Variants in NRG1 observed in about 807,000 individuals in gnomAD.
NRG1 encodes the protein neuregulin 1, also known as pro-neuregulin-1, membrane-bound isoform.
Under a neutral mutation model 63.8 loss-of-function variants are expected in NRG1, and 18 were observed. The observed-to-expected ratio is 0.28, with a 90% CI of 0.19 to 0.42. NRG1 has a LOEUF of 0.42. Among genes scored for constraint, NRG1 ranks in the 10% least tolerant of loss-of-function variants. NRG1 has a pLI of 1.00. For missense variants in NRG1, 762 were observed against 814.7 expected (o/e 0.94, Z 0.79); for synonymous variants, 302 against 301.3 (o/e 1.00, Z -0.02).
At chr8:32,707,335 T>C (rs1231503651) in intron 5 of NRG1, among the ~76,000 whole-genome samples, 1 of 152,028 alleles carries the variant, frequency 6.6e-6, no homozygotes, top group East Asian at 1.9e-4. Context: ...TGTACAAACT[T>C]AAAAGCTAGA....
At chr8:31,705,202 A>T (rs1811029443) in intron 1 of NRG1, among the ~76,000 whole-genome samples, 2 of 151,780 alleles carry the variant, frequency 1.3e-5, no homozygotes, top group South Asian at 4.2e-4. Flanking sequence ...ACACGCAGCT[A>T]GTTTTTTATT....
At chr8:32,597,540 G>A (rs1447075755) in intron 2 of NRG1, among the ~76,000 whole-genome samples, 3 of 152,048 alleles carry the variant, frequency 2.0e-5, no homozygotes, top group Admixed American at 1.3e-4. Context: ...AAGAGACATG[G>A]CATTTTTATA....
intron 1 of NRG1, among the ~76,000 whole-genome samples, chr8:32,165,599 G>C (rs1012993626): frequency 6.6e-6 from 1 of 152,202 alleles, no homozygotes; most frequent in Non-Finnish European, 1.5e-5. Flanking sequence ...AGAGAAAGGA[G>C]TAATTCATTT....
rs530656804 is a variant in NRG1, at chr8:32,135,413, T to C, written c.38-460415T>C. On this transcript the variant is annotated intron_variant, in intron 1 of 10. Coordinates refer to the NRG1 transcript ENST00000519301. ...GGAAGTGTTGGTGACTGTTGGAGGG[T>C]AGTGGTGGTAGTGAAGATGCATAGG... Among the ~76,000 whole-genome samples the C allele has an allele frequency of 1.1e-4, 16 of 151,914 alleles. No homozygotes were observed. The South Asian group carries it at 3.3e-3, about 32-fold the overall frequency.
chr8:31,836,904 CTG>C (rs1387498320), intron 1 of NRG1, among the ~76,000 whole-genome samples: 2 of 152,022 alleles, frequency 1.3e-5, no homozygotes, highest in Non-Finnish European at 2.9e-5. Flanking sequence ...CACTGACAAT[CTG>C]TAATCTCTAT....
intron 1 of NRG1, among the ~76,000 whole-genome samples, chr8:32,340,827 A>G (rs1160255864): frequency 6.6e-6 from 1 of 152,202 alleles, no homozygotes; most frequent in African/African-American, 2.4e-5. Flanking sequence ...CAATGGGCCA[A>G]ATCTTACATG....
At chr8:32,553,205 A>T (rs1167154115) in intron 1 of NRG1, among the ~76,000 whole-genome samples, 1 of 152,160 alleles carries the variant, frequency 6.6e-6, no homozygotes, top group Non-Finnish European at 1.5e-5. Flanking sequence ...TATTATTATT[A>T]TCATGAGGGT....
At chr8:32,472,264 G>T (rs114833374) in intron 1 of NRG1, among the ~76,000 whole-genome samples, 1,980 of 152,248 alleles carry the variant, frequency 0.013, 47 homozygotes, top group African/African-American at 0.045. Context: ...TCTACCCCTG[G>T]GTTCCAGTGA....
At chr8:31,861,511 C>T (rs1313043306) in intron 1 of NRG1, among the ~76,000 whole-genome samples, 1 of 152,078 alleles carries the variant, frequency 6.6e-6, no homozygotes, top group Non-Finnish European at 1.5e-5. Flanking sequence ...AGAGAAACAA[C>T]ATACAATAAA....
chr8:31,816,123 A>T (rs1407736114), intron 1 of NRG1, among the ~76,000 whole-genome samples: 1 of 152,178 alleles, frequency 6.6e-6, no homozygotes, highest in Non-Finnish European at 1.5e-5. Flanking sequence ...TTACCTTCGA[A>T]GTCACAGTAC....
chr8:32,447,558 T>C (rs998106427), intron 1 of NRG1, among the ~76,000 whole-genome samples: 3 of 152,146 alleles, frequency 2.0e-5, no homozygotes, highest in African/African-American at 7.2e-5. Flanking sequence ...CAGCAATGTT[T>C]AATTGTTGCT....
intron 1 of NRG1, among the ~76,000 whole-genome samples, chr8:31,926,849 T>G (rs1332200795): frequency 2.6e-5 from 4 of 152,136 alleles, no homozygotes; most frequent in Admixed American, 6.5e-5. Context: ...TCTTGTTAGC[T>G]TTCAGCAACA....
chr8:31,685,536 A>C (rs970341651), intron 1 of NRG1, among the ~76,000 whole-genome samples: 1 of 152,156 alleles, frequency 6.6e-6, no homozygotes, highest in Non-Finnish European at 1.5e-5. Flanking sequence ...GAGTCCATCT[A>C]CATAAAGTGT....
At chr8:32,348,749 A>G (rs1805224435) in intron 1 of NRG1, among the ~76,000 whole-genome samples, 1 of 152,214 alleles carries the variant, frequency 6.6e-6, no homozygotes. Context: ...GCCATTATCT[A>G]TAACATATAT....
At chr8:32,249,736 C>G (rs540301106) in intron 1 of NRG1, among the ~76,000 whole-genome samples, 5 of 151,984 alleles carry the variant, frequency 3.3e-5, no homozygotes, top group African/African-American at 1.2e-4. Flanking sequence ...CCCAAATAAG[C>G]CTTATTACCT....
intron 1 of NRG1, among the ~76,000 whole-genome samples, chr8:32,385,052 C>T: frequency 6.6e-6 from 1 of 152,194 alleles, no homozygotes. Flanking sequence ...CGGAGTCTCG[C>T]TCTGTCACCC....
chr8:32,728,932 G>A (rs1202334777), intron 6 of NRG1, among the ~76,000 whole-genome samples: 1 of 152,156 alleles, frequency 6.6e-6, no homozygotes, highest in Non-Finnish European at 1.5e-5. Flanking sequence ...GCTGGGCGTG[G>A]TGGCACACGC....
intron 1 of NRG1, among the ~76,000 whole-genome samples, chr8:32,318,266 T>C (rs1286322660): frequency 6.6e-6 from 1 of 152,232 alleles, no homozygotes; most frequent in Non-Finnish European, 1.5e-5. Context: ...TGACAAGTTA[T>C]GAATTCCTTG....
intron 1 of NRG1, among the ~76,000 whole-genome samples, chr8:32,532,787 C>T (rs972623512): frequency 6.6e-6 from 1 of 151,962 alleles, no homozygotes; most frequent in Non-Finnish European, 1.5e-5. Flanking sequence ...AACTTTACTT[C>T]ATGACTAGAT....
Sources: gnomAD v4.1 joint callset for allele counts (sites outside exome capture counted in the v4.1 genomes callset) on GRCh38, gnomAD v4.1.1 for gene constraint, MANE v1.5 for transcripts, NCBI Gene and HGNC (gene_info 2026-07-23, HGNC 2026-07-21) for gene names.